VCPIP1: variants seen among roughly 807,000 people sequenced by gnomAD.
VCPIP1 encodes the protein valosin containing protein interacting protein 1, also known as deubiquitinating protein VCPIP1.
In VCPIP1, 8 loss-of-function variants were observed where a neutral mutation model predicts 85.0. That is an observed-to-expected ratio of 0.09 (90% CI 0.06 to 0.17). The LOEUF (loss-of-function observed/expected upper bound fraction) is 0.17, where lower values mean the gene tolerates loss of function less well. Among genes scored for constraint, VCPIP1 ranks in the 10% least tolerant of loss-of-function variants. The pLI is 1.00. For missense variants in VCPIP1, 1,070 were observed against 1,486.3 expected, an observed-to-expected ratio of 0.72 and a Z score of 4.61; for synonymous variants, 543 against 544.5, an observed-to-expected ratio of 1.00 and a Z score of 0.04.
In VCPIP1 at chr8:66,639,321, CTTTTTTTTTTTTT is replaced by C. The variant is rs57563619; in HGVS notation, c.2798-3962_2798-3950del. 7.4e-5 allele frequency among the ~76,000 whole-genome samples: 5 copies of C among 67,808 alleles called. No homozygotes were observed. The Admixed American group carries it at 8.0e-4, about 11-fold the overall frequency. 44.5% of individuals were successfully genotyped at this position (67,808 alleles called of 152,430 possible). A position where few individuals can be genotyped will look rare whatever the true frequency, so the allele number is the denominator to read the frequency against. The stretch of plus-strand genomic sequence containing the variant: ...ATATTTTAAGCCAATTAATTTTATT[CTTTTTTTTTTTTT>C]TTTTTTTTTTTTTGGTGTTGCTGGG... On this transcript the variant is annotated intron_variant, in intron 2 of 2. Coordinates refer to ENST00000310421, the MANE Select transcript of VCPIP1 (RefSeq NM_025054.5).
intron 1 of VCPIP1, among the ~76,000 whole-genome samples, chr8:66,661,633 G>C (rs1361252739): frequency 1.3e-5 from 2 of 151,772 alleles, no homozygotes; most frequent in Non-Finnish European, 2.9e-5. Context: ...CTACTCAGGA[G>C]GCTGAGGCAG....
At chr8:66,639,739 T>C (rs1810929336) in intron 2 of VCPIP1, among the ~76,000 whole-genome samples, 1 of 152,192 alleles carries the variant, frequency 6.6e-6, no homozygotes, top group Non-Finnish European at 1.5e-5. Context: ...ACCATCTATA[T>C]GTTAAGGTGG....
rs1389980039 is a variant in VCPIP1, at chr8:66,629,541, G to A, written c.*4960C>T. On this transcript the variant is annotated 3_prime_UTR_variant, in exon 3 of 3. Transcript: ENST00000310421. ...TCAGTAAGCATTATGGCCCAATTAT[G>A]TAATATGTCTAAAGAAATTTTGCTG... 1 of 152,062 alleles carries A rather than the reference G, an allele frequency of 6.6e-6. No homozygotes were observed. Among genetic ancestry groups the A allele is most frequent in the Non-Finnish European group, 1.5e-5 (1 of 68,026 alleles). 9.4% of individuals were successfully genotyped at this position (152,062 alleles called of 1,614,324 possible). A position where few individuals can be genotyped will look rare whatever the true frequency, so the allele number is the denominator to read the frequency against.
Position 66,664,617 on chromosome 8 carries a change from G to T in VCPIP1, c.2342C>A (p.Thr781Asn). The T allele has an allele frequency of 6.2e-7, 1 of 1,614,122 alleles. No individual in the cohort carries two copies. Residue 781 changes from threonine (T) to asparagine (N), a missense_variant, in exon 1 of 3, where the codon ACT becomes AAT. By Grantham distance (65) the Thr-to-Asn change is moderately conservative (BLOSUM62 0). Coordinates refer to ENST00000310421, the MANE Select transcript of VCPIP1 (RefSeq NM_025054.5). ...AACCATGGACTGTCGTCCATCATTA[G>T]TTGTGATTCGGATCTTCTTCTCCTT... ...TSKEKKIRIT[T>N]NDGRQSMVTL...
At chr8:66,650,370 G>C (rs1481854637) in intron 2 of VCPIP1, among the ~76,000 whole-genome samples, 2 of 152,096 alleles carry the variant, frequency 1.3e-5, no homozygotes, top group Admixed American at 6.6e-5. Flanking sequence ...ACAAGATTAT[G>C]CAATTAATGC....
intron 1 of VCPIP1, among the ~76,000 whole-genome samples, chr8:66,661,554 T>A (rs1811157376): frequency 6.6e-6 from 1 of 151,820 alleles, no homozygotes; most frequent in Non-Finnish European, 1.5e-5. Context: ...GCTAACACGG[T>A]GAAACCCTGT....
rs763249977 is a variant in VCPIP1 at position 66,635,140 on chromosome 8, T to A, written c.3030A>T (p.Gly1010=). 1.9e-6 allele frequency: 3 copies of A among 1,614,182 alleles called. No homozygotes were observed. The highest frequency in any genetic ancestry group is 1.7e-6 in the Non-Finnish European group (2 of 1,180,040). The change falls in exon 3 of 3, where the codon GGA becomes GGT. Residue 1010 remains glycine, a synonymous_variant. Transcript: ENST00000310421. ...GTTGCTCAGATTTCTTTTTCACTAC[T>A]CCACCACTACCTAGTTTTAATAGCC... ...SHGLLKLGSG[G]VVKKKSEQLH... is the part of the protein sequence containing the mutation.
chr8:66,635,578 T>A (rs1021028380), intron 2 of VCPIP1, among the ~76,000 whole-genome samples: 5 of 152,296 alleles, frequency 3.3e-5, no homozygotes, highest in Admixed American at 6.5e-5. Context: ...GAATCTTTTT[T>A]AAAAAAATTT....
In VCPIP1 at chr8:66,638,783, A is replaced by G. The variant is rs1047305564; in HGVS notation, c.2798-3411T>C. On this transcript the variant is annotated intron_variant, in intron 2 of 2. Coordinates refer to ENST00000310421, the MANE Select transcript of VCPIP1 (RefSeq NM_025054.5). ...GACAGAGCGAGACTCCTGTCTCAAAAAAAGAAAGAAAGAAAGAAATCATAG... is the reference window on the plus strand; with the variant it reads ...GACAGAGCGAGACTCCTGTCTCAAAGAAAGAAAGAAAGAAAGAAATCATAG... Among the ~76,000 whole-genome samples the G allele has an allele frequency of 4.6e-5, 7 of 152,078 alleles. No homozygotes were observed. In the East Asian group the frequency reaches 9.6e-4, roughly 21 times the overall value.
chr8:66,664,705 G>A lies in VCPIP1; in HGVS notation c.2254C>T (p.Arg752Cys). Residue 752 changes from arginine to cysteine, a missense_variant, in exon 1 of 3, where the codon CGT becomes TGT. Arg to Cys is a radical substitution (Grantham distance 180). This residue lies in a region of VCPIP1 where 278 missense variants were observed against 298.5 expected (regional missense o/e 0.93). Transcript: ENST00000310421. ...QPRTVSPSTI[R>C]DGPSSAPATP... ...GCAGGTGCAGAGGATGGACCATCACGAATGGTACTGGGAGAAACAGTCCTG... is the reference window on the plus strand; with the variant it reads ...GCAGGTGCAGAGGATGGACCATCACAAATGGTACTGGGAGAAACAGTCCTG... 2 of 1,613,738 alleles carry A rather than the reference G, an allele frequency of 1.2e-6. No individual in the cohort carries two copies. The highest frequency in any genetic ancestry group is 1.7e-6 in the Non-Finnish European group (2 of 1,179,870).
Position 66,630,703 on chromosome 8 carries a change from A to G in VCPIP1, c.*3798T>C, listed in dbSNP as rs1160488457. 2 of 152,608 alleles carry G rather than the reference A, an allele frequency of 1.3e-5. No individual in the cohort carries two copies. The highest frequency in any genetic ancestry group is 2.9e-5 in the Non-Finnish European group (2 of 67,996). 9.5% of individuals were successfully genotyped at this position (152,608 alleles called of 1,614,324 possible). On this transcript the variant is annotated 3_prime_UTR_variant, in exon 3 of 3. Transcript: ENST00000310421. The stretch of plus-strand genomic sequence containing the variant: ...TATACAAGTAATGGCATTTTCTCCA[A>G]TAATTCATAATTTTTACAATTTCTG...
At chr8:66,659,448 T>G (rs1811134833) in intron 1 of VCPIP1, among the ~76,000 whole-genome samples, 1 of 152,192 alleles carries the variant, frequency 6.6e-6, no homozygotes, top group South Asian at 2.1e-4. Context: ...AAAATATTGT[T>G]ATTCCATTTT....
chr8:66,649,439 G>A (rs746923575), intron 2 of VCPIP1, among the ~76,000 whole-genome samples: 9 of 151,842 alleles, frequency 5.9e-5, no homozygotes, highest in Non-Finnish European at 1.2e-4. Context: ...CTAAGCCCAG[G>A]TCAAGGCTGC....
rs538690835 is a variant in VCPIP1 at position 66,659,257 on chromosome 8, C to T, written c.2710+4992G>A. On this transcript the variant is annotated intron_variant, in intron 1 of 2. Coordinates refer to ENST00000310421, the MANE Select transcript of VCPIP1 (RefSeq NM_025054.5). ...TGTTGCCCAGACTGGAGTGCAGTGGCGCAATCTTGGCTCACTGCAACCGCA... is the reference window on the plus strand; with the variant it reads ...TGTTGCCCAGACTGGAGTGCAGTGGTGCAATCTTGGCTCACTGCAACCGCA... 6.1e-5 allele frequency among the ~76,000 whole-genome samples: 9 copies of T among 148,654 alleles called. No homozygotes were observed. In the East Asian group the frequency reaches 7.9e-4, roughly 13 times the overall value.
intron 2 of VCPIP1, among the ~76,000 whole-genome samples, chr8:66,641,774 C>T (rs1810950261): frequency 6.6e-6 from 1 of 152,210 alleles, no homozygotes; most frequent in South Asian, 2.1e-4. Flanking sequence ...CAATACTTTA[C>T]TACTTTTTAT....
In VCPIP1 at chr8:66,664,985, C is replaced by G. The variant is rs1297566029; in HGVS notation, c.1974G>C (p.Lys658Asn). 1.9e-6 allele frequency: 3 copies of G among 1,613,250 alleles called. No homozygotes were observed. In the South Asian group the frequency reaches 3.3e-5, roughly 18 times the overall value. Residue 658 changes from lysine to asparagine, a missense_variant, in exon 1 of 3, where the codon AAG (lysine) becomes AAC (asparagine). Transcript: ENST00000310421. ...VHTILHQTAK[K>N]NPDDYTPVNI... ...TTACAGGAGTATAATCATCGGGATTCTTTTTGGCAGTCTGATGCAATATAG... is the reference window on the plus strand; with the variant it reads ...TTACAGGAGTATAATCATCGGGATTGTTTTTGGCAGTCTGATGCAATATAG...
rs981078484 is a variant in VCPIP1 at position 66,664,136 on chromosome 8, T to C, written c.2710+113A>G. 26 of 1,291,864 alleles carry C rather than the reference T, an allele frequency of 2.0e-5. 1 individual carries two copies. The highest frequency in any genetic ancestry group is 4.1e-5 in the South Asian group (2 of 48,786). The allele number at this position is 1,291,864 out of a possible 1,614,324, so 80.0% of individuals were successfully genotyped here. A position where few individuals can be genotyped will look rare whatever the true frequency, so the allele number is the denominator to read the frequency against. ...CTAAAAATAATTCTCTCCTGAAATA[T>C]ATAATTAAAAACTTACAATGGCTAC... On this transcript the variant is annotated intron_variant, in intron 1 of 2. Transcript: ENST00000310421.
In VCPIP1 at chr8:66,665,486, C is replaced by G. The variant is rs1420161917; in HGVS notation, c.1473G>C (p.Leu491Phe). The change falls in exon 1 of 3, where the codon TTG (leucine) becomes TTC (phenylalanine). Residue 491 changes from leucine (L) to phenylalanine (F), a missense_variant. Transcript: ENST00000310421. This position sits in a 1 kb window ranked among gnomAD's most constrained non-coding sequence, Gnocchi z 4.3. ...PPEWLAPGGK[L>F]YNLAKSTHGQ... ...CATGAGTACTTTTTGCCAGGTTATA[C>G]AATTTCCCTCCAGGAGCCAACCACT... 6.2e-7 allele frequency: 1 copy of G among 1,614,064 alleles called. No individual in the cohort carries two copies. Among genetic ancestry groups the G allele is most frequent in the South Asian group, 1.1e-5 (1 of 91,094 alleles).
chr8:66,665,433 C>A lies in VCPIP1; in HGVS notation c.1526G>T (p.Ser509Ile). ...GCAAACCAAATTGTTCAAGGGAAAG[C>A]TGTAATTTTTGTCAGTCCTCAGCTG... Reference protein sequence around the residue: ...HGQLRTDKNYSFPLNNLVCSY... With the variant: ...HGQLRTDKNYIFPLNNLVCSY... The change falls in exon 1 of 3, where the codon AGC becomes ATC. Residue 509 changes from serine to isoleucine, a missense_variant. Around this residue, in one of 8 missense-constraint regions of VCPIP1, gnomAD observed 123 missense variants for 156.3 expected, o/e 0.79. Coordinates refer to ENST00000310421, the MANE Select transcript of VCPIP1 (RefSeq NM_025054.5). This position sits in a 1 kb window ranked among gnomAD's most constrained non-coding sequence, Gnocchi z 4.3. The A allele has an allele frequency of 6.2e-7, 1 of 1,614,214 alleles. No homozygotes were observed. Among genetic ancestry groups the A allele is most frequent in the Non-Finnish European group, 8.5e-7 (1 of 1,180,042 alleles).
Sources: gnomAD v4.1 joint callset for allele counts (sites outside exome capture counted in the v4.1 genomes callset) on GRCh38, gnomAD v4.1.1 for gene constraint, gnomAD v4.1.1 regional missense constraint, Gnocchi (gnomAD v3.1) non-coding constraint, MANE v1.5 for transcripts, NCBI Gene and HGNC (gene_info 2026-07-23, HGNC 2026-07-21) for gene names.